RBMS1: variants seen among roughly 807,000 people sequenced by gnomAD.
RBMS1 encodes RNA-binding motif, single-stranded-interacting protein 1.
A neutral mutation model predicts 62.3 loss-of-function variants in RBMS1; 17 were observed. That is an observed-to-expected ratio of 0.27 (90% confidence interval 0.19 to 0.41). The LOEUF is 0.41. Ranked by LOEUF, RBMS1 falls within the 10% of genes least tolerant of loss-of-function variation. The probability of loss-of-function intolerance (pLI) is 1.00; values close to 1 mark genes in which losing one functional copy is unlikely to be tolerated. For missense variants in RBMS1, 334 were observed against 504.5 expected (o/e 0.66, Z 3.24); for synonymous variants, 172 against 170.0 (o/e 1.01, Z -0.09).
chr2:160,341,745 C>T (rs2105995129), intron 2 of RBMS1, among the ~76,000 whole-genome samples: 1 of 152,266 alleles, frequency 6.6e-6, no homozygotes, highest in Middle Eastern at 3.4e-3. Flanking sequence ...ACTGAACTAG[C>T]AAGGTACATT....
At chr2:160,315,377 G>A (rs1342206313) in intron 3 of RBMS1, among the ~76,000 whole-genome samples, 2 of 152,160 alleles carry the variant, frequency 1.3e-5, no homozygotes, top group South Asian at 4.1e-4. Context: ...ATAAATAGGT[G>A]TAAAGACGTT....
intron 6 of RBMS1, among the ~76,000 whole-genome samples, chr2:160,295,269 T>C (rs752955104): frequency 2.6e-5 from 4 of 152,184 alleles, no homozygotes; most frequent in Admixed American, 1.3e-4. Flanking sequence ...GCATGAAAAA[T>C]GCTCTTAGAA....
intron 1 of RBMS1, among the ~76,000 whole-genome samples, chr2:160,420,439 A>G (rs1460872048): frequency 6.6e-6 from 1 of 152,158 alleles, no homozygotes; most frequent in East Asian, 1.9e-4. Context: ...ACCTCTTGCT[A>G]CATTTTCTAA....
intron 1 of RBMS1, among the ~76,000 whole-genome samples, chr2:160,408,221 C>T (rs1459053820): frequency 6.6e-6 from 1 of 151,988 alleles, no homozygotes; most frequent in African/African-American, 2.4e-5. Context: ...CTTTGCACCC[C>T]GGCTCGAAGC....
At chr2:160,437,703 T>A (rs921470337) in intron 1 of RBMS1, among the ~76,000 whole-genome samples, 1 of 152,232 alleles carries the variant, frequency 6.6e-6, no homozygotes, top group Non-Finnish European at 1.5e-5. Flanking sequence ...ATAACATAGA[T>A]GTTCAAATTC....
chr2:160,336,913 C>T lies in RBMS1; in HGVS notation c.252-18686G>A, dbSNP rs1023471920. 1.6e-4 allele frequency among the ~76,000 whole-genome samples: 25 copies of T among 152,116 alleles called. 1 individual carries two copies. Among genetic ancestry groups the T allele is most frequent in the Admixed American group, 1.0e-3 (16 of 15,262 alleles). ...TTGGCACCATTTAAACCATGGCTAA[C>T]ACAGTTGCAGACTCTGCTTTAGATT... On this transcript the variant is annotated intron_variant, in intron 2 of 13. Coordinates refer to ENST00000348849, the MANE Select transcript of RBMS1 (RefSeq NM_016836.4).
At chr2:160,305,977 A>C (rs1689489201) in intron 4 of RBMS1, among the ~76,000 whole-genome samples, 1 of 152,126 alleles carries the variant, frequency 6.6e-6, no homozygotes, top group African/African-American at 2.4e-5. Flanking sequence ...TCTTAAAAAA[A>C]AGTCAGCGAG....
intron 2 of RBMS1, among the ~76,000 whole-genome samples, chr2:160,330,861 C>T (rs545588034): frequency 1.1e-4 from 16 of 152,208 alleles, no homozygotes; most frequent in South Asian, 4.1e-4. Context: ...GAAACAGGGT[C>T]TTTGAAGATG....
At chr2:160,311,080 G>A (rs1689827883) in intron 4 of RBMS1, among the ~76,000 whole-genome samples, 1 of 151,504 alleles carries the variant, frequency 6.6e-6, no homozygotes, top group African/African-American at 2.4e-5. Flanking sequence ...TGTAATCCCA[G>A]CTACTCAGGA....
At chr2:160,484,170 C>T (rs1470051674) in intron 1 of RBMS1, among the ~76,000 whole-genome samples, 2 of 152,078 alleles carry the variant, frequency 1.3e-5, no homozygotes, top group Non-Finnish European at 2.9e-5. Flanking sequence ...GCTCCACAGG[C>T]TGATTCTAGG....
At chr2:160,448,770 A>G (rs1438461036) in intron 1 of RBMS1, among the ~76,000 whole-genome samples, 1 of 135,108 alleles carries the variant, frequency 7.4e-6, no homozygotes, top group Non-Finnish European at 1.6e-5. Context: ...CTGGGATGTG[A>G]GGAGCCCCTC....
chr2:160,285,128 G>C, intron 7 of RBMS1, 84 bp from the exon 8 acceptor site: 1 of 1,320,050 alleles, frequency 7.6e-7, no homozygotes, highest in South Asian at 1.2e-5. Flanking sequence ...GTGGTGGTGT[G>C]CACCTGTAGT....
At chr2:160,456,786 A>T (rs535895068) in intron 1 of RBMS1, among the ~76,000 whole-genome samples, 1 of 152,042 alleles carries the variant, frequency 6.6e-6, no homozygotes, top group Admixed American at 6.5e-5. Context: ...CCTTCTTCCA[A>T]TTTGGCTTCT....
rs1439410221 is a variant in RBMS1, at chr2:160,367,357, G to C, written c.110C>G (p.Pro37Arg). 6.2e-7 allele frequency: 1 copy of C among 1,613,928 alleles called. No individual in the cohort carries two copies. The highest frequency in any genetic ancestry group is 8.5e-7 in the Non-Finnish European group (1 of 1,179,978). ...ATTACTGCTGGTGGTGCTGGGACTG[G>C]GAGGGGCCATGGGGTGGGCTGGGAC... ...SLVPAHPMAP[P>R]SPSTTSSNNN... Residue 37 changes from proline (P) to arginine (R), a missense_variant, in exon 2 of 14, where the codon CCC becomes CGC. By Grantham distance (103) the Pro-to-Arg change is moderately radical (BLOSUM62 -2). Around this residue, in one of 3 missense-constraint regions of RBMS1, gnomAD observed 150 missense variants for 228.0 expected, o/e 0.66. Transcript: ENST00000348849.
chr2:160,343,679 G>A (rs139137440), intron 2 of RBMS1, among the ~76,000 whole-genome samples: 105 of 152,216 alleles, frequency 6.9e-4, no homozygotes, highest in African/African-American at 2.3e-3. Context: ...TTCTTATGAG[G>A]CATCTGTGAT....
chr2:160,321,427 T>C (rs1690554532), intron 2 of RBMS1, among the ~76,000 whole-genome samples: 1 of 152,234 alleles, frequency 6.6e-6, no homozygotes, highest in East Asian at 1.9e-4. Flanking sequence ...ATTCATTCAG[T>C]GCCATGTTTT....
intron 3 of RBMS1, among the ~76,000 whole-genome samples, chr2:160,317,856 GA>G (rs1337214277): frequency 2.0e-5 from 3 of 152,168 alleles, no homozygotes; most frequent in African/African-American, 7.2e-5. Context: ...GCTCAGGAAA[GA>G]AAAGCTATTT....
intron 1 of RBMS1, among the ~76,000 whole-genome samples, chr2:160,472,996 T>A (rs1293653200): frequency 6.6e-6 from 1 of 152,240 alleles, no homozygotes; most frequent in Non-Finnish European, 1.5e-5. Flanking sequence ...TGTTTAATTG[T>A]ATATATTCCA....
chr2:160,328,884 A>G (rs1473226228), intron 2 of RBMS1, among the ~76,000 whole-genome samples: 1 of 152,218 alleles, frequency 6.6e-6, no homozygotes, highest in African/African-American at 2.4e-5. Flanking sequence ...TCCATCACTG[A>G]AAACCATAAA....
Sources: allele counts gnomAD v4.1 joint callset (sites outside exome capture counted in the v4.1 genomes callset), GRCh38; gene constraint gnomAD v4.1.1; regional missense constraint gnomAD v4.1.1; transcripts MANE v1.5; gene names NCBI Gene and HGNC (gene_info 2026-07-23, HGNC 2026-07-21).